The following GALNT13 variants were observed in gnomAD, a reference collection of about 807,000 sequenced individuals.
GALNT13 encodes UDP-GalNAc:polypeptide N-acetylgalactosaminyltransferase 13.
A neutral mutation model predicts 64.2 loss-of-function variants in GALNT13; 28 were observed. The observed-to-expected ratio is 0.44, with a 90% confidence interval of 0.32 to 0.60. GALNT13 has a LOEUF of 0.60. Ranked by LOEUF, GALNT13 falls within the 20% of genes least tolerant of loss-of-function variation. GALNT13 has a pLI of 0.05. For missense variants in GALNT13, 577 were observed against 669.8 expected, an observed-to-expected ratio of 0.86 and a Z score of 1.53; for synonymous variants, 214 against 224.6, an observed-to-expected ratio of 0.95 and a Z score of 0.42.
chr2:154,141,519 C>T (rs1683258700), intron 4 of GALNT13, among the ~76,000 whole-genome samples: 1 of 151,892 alleles, frequency 6.6e-6, no homozygotes, highest in Admixed American at 6.6e-5. Flanking sequence ...ACACATTAGC[C>T]TAGGTCTATT....
chr2:153,482,758 A>T, the GALNT13 span, among the ~76,000 whole-genome samples: 1 of 148,106 alleles, frequency 6.8e-6, no homozygotes, highest in African/African-American at 2.5e-5. Context: ...GGCGTAGCCA[A>T]CGCACCCAGC....
At chr2:153,197,029 G>A in the GALNT13 span, among the ~76,000 whole-genome samples, 3 of 152,172 alleles carry the variant, frequency 2.0e-5, no homozygotes, top group African/African-American at 2.4e-5. Flanking sequence ...TGGGCTGAAT[G>A]GGCCTGTCCC....
the GALNT13 span, among the ~76,000 whole-genome samples, chr2:153,455,891 TGCG>T: frequency 6.6e-6 from 1 of 152,138 alleles, no homozygotes; most frequent in Non-Finnish European, 1.5e-5. Context: ...TGATGGTAAA[TGCG>T]GAGCATTTTA....
chr2:154,155,833 C>T (rs1684381421), intron 4 of GALNT13, among the ~76,000 whole-genome samples: 1 of 151,566 alleles, frequency 6.6e-6, no homozygotes, highest in African/African-American at 2.4e-5. Flanking sequence ...GAAAACAAGG[C>T]CCAAAATAAG....
the GALNT13 span, among the ~76,000 whole-genome samples, chr2:153,647,701 A>G: frequency 6.6e-5 from 10 of 152,286 alleles, no homozygotes; most frequent in Middle Eastern, 0.02. Context: ...CAGTTTTCCC[A>G]GCACCATTTG....
the GALNT13 span, among the ~76,000 whole-genome samples, chr2:153,081,728 C>T: frequency 5.3e-5 from 8 of 152,128 alleles, no homozygotes; most frequent in South Asian, 2.1e-4. Flanking sequence ...AATAGTACTC[C>T]GCTATGTACA....
At chr2:153,258,626 T>C in the GALNT13 span, among the ~76,000 whole-genome samples, 2 of 152,266 alleles carry the variant, frequency 1.3e-5, no homozygotes, top group Non-Finnish European at 2.9e-5. Flanking sequence ...CTGCTTTCAG[T>C]GCATCTCATA....
intron 3 of GALNT13, among the ~76,000 whole-genome samples, chr2:154,103,510 A>G (rs1006958250): frequency 1.3e-5 from 2 of 152,164 alleles, no homozygotes; most frequent in Non-Finnish European, 1.5e-5. Context: ...ATCCATTGAT[A>G]TACAGCTTGC....
chr2:153,696,909 T>G, the GALNT13 span, among the ~76,000 whole-genome samples: 3 of 152,224 alleles, frequency 2.0e-5, no homozygotes, highest in Non-Finnish European at 4.4e-5. Context: ...CCCTTGTTTC[T>G]AATCTAGATT....
At chr2:154,150,779 G>A (rs569581465) in intron 4 of GALNT13, among the ~76,000 whole-genome samples, 15 of 151,922 alleles carry the variant, frequency 9.9e-5, no homozygotes, top group Non-Finnish European at 1.3e-4. Flanking sequence ...GGTGATATCC[G>A]CTTTATCATT....
the GALNT13 span, among the ~76,000 whole-genome samples, chr2:153,660,118 T>C: frequency 6.6e-6 from 1 of 152,100 alleles, no homozygotes; most frequent in African/African-American, 2.4e-5. Flanking sequence ...AAGAAATGCT[T>C]TGGTGAAAAT....
chr2:153,385,588 AAT>A, the GALNT13 span, among the ~76,000 whole-genome samples: 3 of 152,030 alleles, frequency 2.0e-5, no homozygotes, highest in Admixed American at 2.0e-4. Context: ...ATGGGTACGA[AAT>A]AAGCTAGAAA....
chr2:153,242,352 A>G, the GALNT13 span, among the ~76,000 whole-genome samples: 1 of 152,192 alleles, frequency 6.6e-6, no homozygotes, highest in Admixed American at 6.5e-5. Context: ...ACTATGCTTG[A>G]GGAGATTCCA....
At chr2:154,118,255 T>A (rs73003255) in intron 3 of GALNT13, among the ~76,000 whole-genome samples, 6 of 151,382 alleles carry the variant, frequency 4.0e-5, no homozygotes, top group Admixed American at 1.3e-4. Context: ...AATTGACCTC[T>A]TATCATTATA....
chr2:153,562,913 A>G, the GALNT13 span, among the ~76,000 whole-genome samples: 1 of 152,048 alleles, frequency 6.6e-6, no homozygotes, highest in Admixed American at 6.6e-5. Context: ...GGCTATTCTG[A>G]TACTTTTCTC....
At chr2:153,473,190 CAAAAA>C in the GALNT13 span, among the ~76,000 whole-genome samples, 9 of 150,724 alleles carry the variant, frequency 6.0e-5, no homozygotes, top group Non-Finnish European at 1.0e-4. Context: ...AGTATAATAA[CAAAAA>C]AAAGGAAAAA....
chr2:154,080,871 T>G (rs1421808773), intron 3 of GALNT13, among the ~76,000 whole-genome samples: 1 of 151,642 alleles, frequency 6.6e-6, no homozygotes, highest in Non-Finnish European at 1.5e-5. Flanking sequence ...AGACTTGTAT[T>G]CAGGATCCTT....
At chr2:153,383,145 C>A in the GALNT13 span, among the ~76,000 whole-genome samples, 4 of 152,010 alleles carry the variant, frequency 2.6e-5, no homozygotes, top group Non-Finnish European at 5.9e-5. Context: ...TGCTCTACAG[C>A]AAATTTGAAT....
chr2:153,521,176 G>A, the GALNT13 span, among the ~76,000 whole-genome samples: 1 of 152,066 alleles, frequency 6.6e-6, no homozygotes, highest in South Asian at 2.1e-4. Flanking sequence ...TCCTTCTTCT[G>A]AAGAGCTCCA....
Sources: gnomAD v4.1 joint callset for allele counts (sites outside exome capture counted in the v4.1 genomes callset) on GRCh38, gnomAD v4.1.1 for gene constraint, MANE v1.5 for transcripts, NCBI Gene and HGNC (gene_info 2026-07-23, HGNC 2026-07-21) for gene names.